UNC5C: variants seen among roughly 807,000 people sequenced by gnomAD.
UNC5C encodes the protein netrin receptor UNC5C.
A neutral mutation model predicts 99.8 loss-of-function variants in UNC5C; 47 were observed. The ratio of observed to expected loss-of-function variants is 0.47; its 90% CI spans 0.37 to 0.60. The LOEUF (loss-of-function observed/expected upper bound fraction) is 0.60. Among genes scored for constraint, UNC5C ranks in the 20% least tolerant of loss-of-function variants. UNC5C has a pLI of 0.00. For missense variants in UNC5C, 1,062 were observed against 1,165.9 expected, an observed-to-expected ratio of 0.91 and a Z score of 1.30; for synonymous variants, 487 against 452.2, an observed-to-expected ratio of 1.08 and a Z score of -0.98.
chr4:95,499,971 T>G (rs541980317), intron 1 of UNC5C, among the ~76,000 whole-genome samples: 3 of 21,624 alleles, frequency 1.4e-4, no homozygotes, highest in South Asian at 2.4e-3. Context: ...AGTAGGCACA[T>G]GAGGATAATC....
chr4:95,457,665 C>G (rs1234279852), intron 1 of UNC5C, among the ~76,000 whole-genome samples: 1 of 152,016 alleles, frequency 6.6e-6, no homozygotes, highest in Non-Finnish European at 1.5e-5. Context: ...TCCTCAGTCA[C>G]AGATCTTGGA....
intron 2 of UNC5C, among the ~76,000 whole-genome samples, chr4:95,320,955 C>G (rs1001091120): frequency 2.0e-5 from 3 of 152,158 alleles, no homozygotes; most frequent in Admixed American, 2.0e-4. Flanking sequence ...ACACTAAAAA[C>G]TCTCACTGTA....
chr4:95,177,409 G>A (rs372715177), intron 14 of UNC5C, among the ~76,000 whole-genome samples: 2 of 41,956 alleles, frequency 4.8e-5, no homozygotes, highest in East Asian at 4.7e-4. Context: ...CACCCAGAGC[G>A]CCCCCCATAT....
chr4:95,188,949 C>T (rs1380829724), intron 12 of UNC5C, among the ~76,000 whole-genome samples: 1 of 152,166 alleles, frequency 6.6e-6, no homozygotes, highest in Non-Finnish European at 1.5e-5. Context: ...AAACCACTTC[C>T]AGACAGGCTG....
At chr4:95,392,404 T>A (rs181157759) in intron 1 of UNC5C, among the ~76,000 whole-genome samples, 160 of 149,622 alleles carry the variant, frequency 1.1e-3, no homozygotes, top group African/African-American at 3.4e-3. Context: ...AACAAAGGAA[T>A]TTTTAAGAGT....
At chr4:95,260,644 C>G (rs1579276279) in intron 4 of UNC5C, among the ~76,000 whole-genome samples, 1 of 152,084 alleles carries the variant, frequency 6.6e-6, no homozygotes, top group East Asian at 1.9e-4. Flanking sequence ...AATGACCATT[C>G]TTTAGGGTAG....
intron 1 of UNC5C, among the ~76,000 whole-genome samples, chr4:95,346,128 G>A (rs1743762745): frequency 6.6e-6 from 1 of 151,792 alleles, no homozygotes; most frequent in Non-Finnish European, 1.5e-5. Context: ...GAAATTCAAA[G>A]GATCATTGGA....
At chr4:95,186,832 ACAGT>A (rs1736851106) in intron 12 of UNC5C, among the ~76,000 whole-genome samples, 3 of 152,056 alleles carry the variant, frequency 2.0e-5, no homozygotes, top group Non-Finnish European at 4.4e-5. Flanking sequence ...GCCCCCAGCC[ACAGT>A]CAGCCAGACA....
intron 1 of UNC5C, among the ~76,000 whole-genome samples, chr4:95,452,896 T>C (rs1176266247): frequency 6.6e-6 from 1 of 152,158 alleles, no homozygotes; most frequent in East Asian, 1.9e-4. Context: ...ATCTTATCCA[T>C]TGCTGAAATG....
chr4:95,278,728 C>T (rs1740951193), intron 3 of UNC5C, among the ~76,000 whole-genome samples: 2 of 152,154 alleles, frequency 1.3e-5, no homozygotes, highest in Admixed American at 6.5e-5. Flanking sequence ...GATCCTCCCA[C>T]CTCAGCCTCC....
chr4:95,491,166 G>A (rs17024070), intron 1 of UNC5C, among the ~76,000 whole-genome samples: 3,146 of 151,532 alleles, frequency 0.021, 109 homozygotes, highest in African/African-American at 0.072. Context: ...GTATATATGA[G>A]AACTTTGCAT....
chr4:95,203,898 T>G (rs1737781431), intron 11 of UNC5C, among the ~76,000 whole-genome samples: 1 of 152,086 alleles, frequency 6.6e-6, no homozygotes, highest in African/African-American at 2.4e-5. Context: ...TGTTCCTGAG[T>G]CGTCATCTGA....
chr4:95,208,224 A>G (rs1353109199), intron 10 of UNC5C, among the ~76,000 whole-genome samples: 1 of 152,228 alleles, frequency 6.6e-6, no homozygotes, highest in Non-Finnish European at 1.5e-5. Flanking sequence ...ATTCCCAATC[A>G]AGGAATTACT....
At chr4:95,526,689 G>T (rs970337870) in intron 1 of UNC5C, among the ~76,000 whole-genome samples, 8 of 151,532 alleles carry the variant, frequency 5.3e-5, no homozygotes, top group Non-Finnish European at 1.0e-4. Flanking sequence ...ATTGTATAAT[G>T]AATTAAAGTT....
chr4:95,401,598 C>A lies in UNC5C; in HGVS notation c.125-65967G>T, dbSNP rs1745699666. On this transcript the variant is annotated intron_variant, in intron 1 of 15. Coordinates refer to ENST00000453304, the MANE Select transcript of UNC5C (RefSeq NM_003728.4). Reference sequence around the variant, plus strand: ...GGCATTAAAGGAGTGAGCCACTGTGCCTCACCCCAGTAATTTAATACAGAT... The same window carrying A: ...GGCATTAAAGGAGTGAGCCACTGTGACTCACCCCAGTAATTTAATACAGAT... Among the ~76,000 whole-genome samples, 5 of 152,162 alleles carry A rather than the reference C, an allele frequency of 3.3e-5. No individual in the cohort carries two copies. In the South Asian group the frequency reaches 1.0e-3, roughly 32 times the overall value.
At chr4:95,324,617 T>C (rs1355810843) in intron 2 of UNC5C, among the ~76,000 whole-genome samples, 2 of 152,216 alleles carry the variant, frequency 1.3e-5, no homozygotes, top group East Asian at 1.9e-4. Flanking sequence ...TCCCCTCAAA[T>C]TCGTATGTTG....
chr4:95,493,764 C>T (rs1334416285), intron 1 of UNC5C, among the ~76,000 whole-genome samples: 1 of 151,320 alleles, frequency 6.6e-6, no homozygotes, highest in African/African-American at 2.4e-5. Flanking sequence ...TATATTCCTG[C>T]TTGTTTCAGC....
Position 95,164,067 on chromosome 4 carries a change from G to GC in UNC5C, c.*5166_*5167insG, listed in dbSNP as rs1360225272. 2 of 152,194 alleles carry GC rather than the reference G, an allele frequency of 1.3e-5. No individual in the cohort carries two copies. The highest frequency in any genetic ancestry group is 2.4e-5 in the African/African-American group (1 of 41,444). 9.4% of individuals were successfully genotyped at this position (152,194 alleles called of 1,614,324 possible). ...GGTGACAGGAAAACCTAGGAACCAT[G>GC]ACTTATGAAGACTGGCTGTTAAAGT... On this transcript the variant is annotated 3_prime_UTR_variant, in exon 16 of 16. Transcript: ENST00000453304.
chr4:95,319,797 T>C (rs541768067), intron 2 of UNC5C, among the ~76,000 whole-genome samples: 44 of 152,100 alleles, frequency 2.9e-4, no homozygotes, highest in African/African-American at 1.1e-3. Context: ...TTTTCAAAGA[T>C]GCCAAAAAAA....
Sources: gnomAD v4.1 joint callset for allele counts (sites outside exome capture counted in the v4.1 genomes callset) on GRCh38, gnomAD v4.1.1 for gene constraint, MANE v1.5 for transcripts, NCBI Gene and HGNC (gene_info 2026-07-23, HGNC 2026-07-21) for gene names.